Variants in UNC119B observed in about 807,000 individuals in gnomAD.
UNC119B encodes the protein unc-119 lipid binding chaperone B, also known as protein unc-119 homolog B.
Under a neutral mutation model 23.4 loss-of-function variants are expected in UNC119B, and 16 were observed. The ratio of observed to expected loss-of-function variants is 0.68; its 90% CI spans 0.46 to 1.04. The LOEUF (loss-of-function observed/expected upper bound fraction) is 1.04, where lower values mean the gene tolerates loss of function less well. Ranked by LOEUF, UNC119B falls within the 50% of genes least tolerant of loss-of-function variation. The probability of loss-of-function intolerance (pLI) is 0.00; values close to 1 mark genes in which losing one functional copy is unlikely to be tolerated. For synonymous variants in UNC119B, 144 were observed against 145.4 expected (o/e 0.99, Z 0.07); for missense variants, 350 against 361.3 (o/e 0.97, Z 0.25).
chr12:120,714,194 A>G (rs568343535), intron 2 of UNC119B, among the ~76,000 whole-genome samples: 1 of 152,302 alleles, frequency 6.6e-6, no homozygotes, highest in South Asian at 2.1e-4. Context: ...AGAGCCTGCA[A>G]ATTTGATAAG....
In UNC119B at chr12:120,710,645, C is replaced by T. The variant is rs1190113158; in HGVS notation, c.171C>T (p.Val57=). The change falls in exon 1 of 5, where the codon GTC becomes GTT. Residue 57 remains valine, a synonymous_variant. Coordinates refer to ENST00000344651, the MANE Select transcript of UNC119B (RefSeq NM_001080533.3). ...CCGACGACGGCGTCGGGGCAGCGGT[C>T]ACGGAGCAGGAGCTGCTGGCGCTGG... The part of the protein sequence containing the change: ...HAADDGVGAA[V]TEQELLALDT... 2 of 1,448,698 alleles carry T rather than the reference C, an allele frequency of 1.4e-6. No individual in the cohort carries two copies. Among genetic ancestry groups the T allele is most frequent in the Non-Finnish European group, 1.8e-6 (2 of 1,105,214 alleles). The allele number at this position is 1,448,698 out of a possible 1,614,324, so 89.7% of individuals were successfully genotyped here.
rs925877842 is a variant in UNC119B, at chr12:120,721,748, C to T, written c.*1716C>T. ...GACCATTCCTCCTGTGGAGTGGGTT[C>T]CTTATCACCAGACCGGCCACTCTCA... On this transcript the variant is annotated 3_prime_UTR_variant, in exon 5 of 5. Transcript: ENST00000344651. 1 of 152,676 alleles carries T rather than the reference C, an allele frequency of 6.5e-6. No homozygotes were observed. The highest frequency in any genetic ancestry group is 2.4e-5 in the African/African-American group (1 of 41,444). 9.5% of individuals were successfully genotyped at this position (152,676 alleles called of 1,614,324 possible).
Position 120,710,602 on chromosome 12 carries a change from A to G in UNC119B, c.128A>G (p.Gln43Arg), listed in dbSNP as rs1882640077. The G allele has an allele frequency of 9.1e-6, 13 of 1,432,348 alleles. No homozygotes were observed. Among genetic ancestry groups the G allele is most frequent in the African/African-American group, 3.0e-5 (2 of 66,982 alleles). 88.7% of individuals were successfully genotyped at this position (1,432,348 alleles called of 1,614,324 possible). A position where few individuals can be genotyped will look rare whatever the true frequency, so the allele number is the denominator to read the frequency against. ...CTGAACCGCCTGAAGGCGCGGCGGCAGGCGCCCCACCACGCGGCCGACGAC... is the reference window on the plus strand; with the variant it reads ...CTGAACCGCCTGAAGGCGCGGCGGCGGGCGCCCCACCACGCGGCCGACGAC... Reference protein sequence around the residue: ...GVLNRLKARRQAPHHAADDGV... With the variant: ...GVLNRLKARRRAPHHAADDGV... Residue 43 changes from glutamine to arginine, a missense_variant, in exon 1 of 5, where the codon CAG (glutamine) becomes CGG (arginine). By Grantham distance (43) the Gln-to-Arg change is conservative (BLOSUM62 1). Transcript: ENST00000344651.
intron 2 of UNC119B, 110 bp from the exon 3 acceptor site, chr12:120,716,515 CTTG>C: frequency 9.2e-7 from 1 of 1,090,986 alleles, no homozygotes. Context: ...GGCCATTCTT[CTTG>C]TTGGTGTGGT....
chr12:120,711,971 G>A (rs1882681216), intron 1 of UNC119B, among the ~76,000 whole-genome samples: 1 of 152,230 alleles, frequency 6.6e-6, no homozygotes, highest in South Asian at 2.1e-4. Context: ...TATTGAAACA[G>A]TGTGAAAAAG....
At chr12:120,712,606 G>A (rs1172988329) in intron 1 of UNC119B, among the ~76,000 whole-genome samples, 1 of 152,004 alleles carries the variant, frequency 6.6e-6, no homozygotes, top group Non-Finnish European at 1.5e-5. Context: ...ACTAAGATTA[G>A]GTTTGTACAT....
chr12:120,711,837 TC>T (rs1333631410), intron 1 of UNC119B: 1 of 152,200 alleles, frequency 6.6e-6, no homozygotes, highest in Non-Finnish European at 1.5e-5. Flanking sequence ...GAAAGGGAAT[TC>T]CCATTTCCTA....
rs766799280 is a variant in UNC119B at position 120,713,258 on chromosome 12, T to C, written c.245-16T>C. The C allele has an allele frequency of 5.5e-5, 85 of 1,533,492 alleles. No individual in the cohort carries two copies. Among genetic ancestry groups the C allele is most frequent in the Non-Finnish European group, 6.6e-5 (74 of 1,123,644 alleles). 95.0% of individuals were successfully genotyped at this position (1,533,492 alleles called of 1,614,324 possible). ...AGGATTATTTAACAGTGTTGGTTTC[T>C]CTCTCTTGTTTTCAGATTATTTATG... On this transcript the variant is annotated splice_polypyrimidine_tract_variant and intron_variant, in intron 1 of 4. Transcript: ENST00000344651.
chr12:120,715,766 C>T (rs1555241850), intron 2 of UNC119B, among the ~76,000 whole-genome samples: 1 of 152,114 alleles, frequency 6.6e-6, no homozygotes, highest in Non-Finnish European at 1.5e-5. Context: ...CTCCTGACCT[C>T]AGGGGATCCG....
Position 120,716,936 on chromosome 12 carries a change from G to A in UNC119B, c.537G>A (p.Arg179=). Residue 179 remains arginine (R), a synonymous_variant, in exon 4 of 5, where the codon CGG becomes CGA. Transcript: ENST00000344651. ...NFRMIERHYF[R]EHLLKNFDFD... is the part of the protein sequence containing the mutation. ...GGATGATCGAACGGCACTATTTCCG[G>A]GAACACTTGCTGAAAAACTTTGACT... The A allele has an allele frequency of 6.2e-7, 1 of 1,613,838 alleles. No individual in the cohort carries two copies. Among genetic ancestry groups the A allele is most frequent in the Non-Finnish European group, 8.5e-7 (1 of 1,179,836 alleles).
At position 120,720,054 on chromosome 12, in the gene UNC119B, G is replaced by T; in HGVS notation, c.*22G>T. 1 of 1,557,702 alleles carries T rather than the reference G, an allele frequency of 6.4e-7. No individual in the cohort carries two copies. Among genetic ancestry groups the T allele is most frequent in the Non-Finnish European group, 8.8e-7 (1 of 1,130,112 alleles). ...GTAAGTGCTGCAAGAGTAGATAGGGGAGGTGCTTTGCCGCGGCCACAAGAT... is the reference window on the plus strand; with the variant it reads ...GTAAGTGCTGCAAGAGTAGATAGGGTAGGTGCTTTGCCGCGGCCACAAGAT... On this transcript the variant is annotated 3_prime_UTR_variant, in exon 5 of 5. Coordinates refer to ENST00000344651, the MANE Select transcript of UNC119B (RefSeq NM_001080533.3).
At chr12:120,711,658 C>T (rs1882671841) in intron 1 of UNC119B, 1 of 152,320 alleles carries the variant, frequency 6.6e-6, no homozygotes, top group Admixed American at 6.5e-5. Flanking sequence ...TCTCCTAACC[C>T]TGTGGCAGCA....
chr12:120,714,898 C>A (rs1365544666), intron 2 of UNC119B, among the ~76,000 whole-genome samples: 1 of 152,082 alleles, frequency 6.6e-6, no homozygotes, highest in African/African-American at 2.4e-5. Flanking sequence ...TAATATTCCC[C>A]ACATTGAGGC....
At chr12:120,713,678 G>A (rs534877651) in intron 2 of UNC119B, among the ~76,000 whole-genome samples, 5 of 152,312 alleles carry the variant, frequency 3.3e-5, no homozygotes, top group Middle Eastern at 6.8e-3. Flanking sequence ...GTTTTACAGC[G>A]AAGGATCTGA....
At position 120,717,006 on chromosome 12, in the gene UNC119B, C is replaced by T. The variant is rs377104053; in HGVS notation, c.607C>T (p.His203Tyr). 9 of 1,609,730 alleles carry T rather than the reference C, an allele frequency of 5.6e-6. No homozygotes were observed. Among genetic ancestry groups the T allele is most frequent in the Non-Finnish European group, 7.6e-6 (9 of 1,177,748 alleles). The part of the protein sequence containing the change: ...CIPSSRNTCE[H>Y]IYEFPQLSED... ...CCCCAGCAGTAGGAACACTTGTGAA[C>T]ATATCTATGAGTTTCCCCAGCTTTC... The change falls in exon 4 of 5, where the codon CAT becomes TAT. Residue 203 changes from histidine (H) to tyrosine (Y), a missense_variant. By Grantham distance (83) the His-to-Tyr change is moderately conservative. Transcript: ENST00000344651.
chr12:120,719,946 G>A lies in UNC119B; in HGVS notation c.670G>A (p.Glu224Lys), dbSNP rs950151772. 2.5e-6 allele frequency: 4 copies of A among 1,614,000 alleles called. No homozygotes were observed. Among genetic ancestry groups the A allele is most frequent in the Non-Finnish European group, 3.4e-6 (4 of 1,179,976 alleles). Residue 224 changes from glutamate (E) to lysine (K), a missense_variant, in exon 5 of 5, where the codon GAG (glutamate) becomes AAG (lysine). Physicochemically the swap from Glu to Lys is moderately conservative, Grantham distance 56. Coordinates refer to ENST00000344651, the MANE Select transcript of UNC119B (RefSeq NM_001080533.3). ...VIRLMIENPY[E>K]TRSDSFYFVD... is the part of the protein sequence containing the mutation. Reference sequence around the variant, plus strand: ...TCGTCTAATGATTGAAAATCCTTACGAGACCCGCTCTGACAGCTTCTACTT... The same window carrying A: ...TCGTCTAATGATTGAAAATCCTTACAAGACCCGCTCTGACAGCTTCTACTT...
At chr12:120,711,826 C>G (rs1882677435) in intron 1 of UNC119B, 1 of 152,198 alleles carries the variant, frequency 6.6e-6, no homozygotes, top group African/African-American at 2.4e-5. Context: ...CCACCCTGTG[C>G]GAAAGGGAAT....
intron 2 of UNC119B, among the ~76,000 whole-genome samples, chr12:120,714,791 A>C (rs1245929579): frequency 6.6e-6 from 1 of 152,154 alleles, no homozygotes; most frequent in Non-Finnish European, 1.5e-5. Flanking sequence ...TTTCAATATA[A>C]GACGGAACTG....
rs559584006 is a variant in UNC119B, at chr12:120,721,545, A to G, written c.*1513A>G. On this transcript the variant is annotated 3_prime_UTR_variant, in exon 5 of 5. Coordinates refer to ENST00000344651, the MANE Select transcript of UNC119B (RefSeq NM_001080533.3). ...TGTGTGGCCACAGAAATTCCTGTCC[A>G]TCCACCACCAGTGCTGCTCCCTGTG... 1.3e-5 allele frequency: 2 copies of G among 152,636 alleles called. No individual in the cohort carries two copies. Among genetic ancestry groups the G allele is most frequent in the South Asian group, 2.1e-4 (1 of 4,828 alleles). 9.5% of individuals were successfully genotyped at this position (152,636 alleles called of 1,614,324 possible).
Sources: gnomAD v4.1 joint callset for allele counts (sites outside exome capture counted in the v4.1 genomes callset) on GRCh38, gnomAD v4.1.1 for gene constraint, MANE v1.5 for transcripts, NCBI Gene and HGNC (gene_info 2026-07-23, HGNC 2026-07-21) for gene names.